NTSR1: variants seen among roughly 807,000 people sequenced by gnomAD.
The protein encoded by NTSR1 is neurotensin receptor type 1.
A neutral mutation model predicts 31.2 loss-of-function variants in NTSR1; 29 were observed. That is an observed-to-expected ratio of 0.93 (90% CI 0.69 to 1.27). The LOEUF (loss-of-function observed/expected upper bound fraction) is 1.27, where lower values mean the gene tolerates loss of function less well. Among genes scored for constraint, NTSR1 ranks in the 50% most tolerant of loss-of-function variants. NTSR1 has a pLI of 0.00. For missense variants in NTSR1, 697 were observed against 595.4 expected (o/e 1.17, Z -1.78); for synonymous variants, 282 against 269.9 (o/e 1.04, Z -0.44).
At chr20:62,752,250 G>A (rs1340417585) in intron 1 of NTSR1, among the ~76,000 whole-genome samples, 1 of 152,170 alleles carries the variant, frequency 6.6e-6, no homozygotes, top group Non-Finnish European at 1.5e-5. Context: ...TCCCCGCGCT[G>A]CCGATGGACG....
intron 1 of NTSR1, among the ~76,000 whole-genome samples, chr20:62,727,170 CA>C (rs1443728131): frequency 6.6e-6 from 1 of 152,042 alleles, no homozygotes; most frequent in Admixed American, 6.5e-5. Context: ...ACACCAGCCC[CA>C]CACAGGAGCC....
intron 1 of NTSR1, among the ~76,000 whole-genome samples, chr20:62,736,664 C>G (rs73918660): frequency 0.024 from 3,722 of 152,308 alleles, 149 homozygotes; most frequent in African/African-American, 0.084. Context: ...GCATAGGACC[C>G]GCAAGCTGAG....
rs568358953 is a variant in NTSR1 at position 62,711,831 on chromosome 20, A to G, written c.714+1910A>G. 6.6e-6 allele frequency among the ~76,000 whole-genome samples: 1 copy of G among 152,278 alleles called. No homozygotes were observed. Among genetic ancestry groups the G allele is most frequent in the African/African-American group, 2.4e-5 (1 of 41,566 alleles). The stretch of plus-strand genomic sequence containing the variant: ...CACCACCTGCCCAGCCTTGTTGCTC[A>G]GAGGCTGCGAGGCAGATTTGGCCAA... On this transcript the variant is annotated intron_variant, in intron 1 of 3. Coordinates refer to ENST00000370501, the MANE Select transcript of NTSR1 (RefSeq NM_002531.3). The surrounding 1 kb of genome is among the most constrained non-coding windows in gnomAD (Gnocchi z 6.4).
chr20:62,729,997 C>T (rs1355073857), intron 1 of NTSR1, among the ~76,000 whole-genome samples: 1 of 152,100 alleles, frequency 6.6e-6, no homozygotes, highest in African/African-American at 2.4e-5. Context: ...GACAGCGGCT[C>T]CATGGTGTCT....
chr20:62,711,945 C>T lies in NTSR1; in HGVS notation c.714+2024C>T, dbSNP rs573384752. On this transcript the variant is annotated intron_variant, in intron 1 of 3. Coordinates refer to ENST00000370501, the MANE Select transcript of NTSR1 (RefSeq NM_002531.3). This position sits in a 1 kb window ranked among gnomAD's most constrained non-coding sequence, Gnocchi z 6.4. ...GGACAGCGGCCCCACGCCCTGCAGA[C>T]GCCATGCTGGCCGAGCGTTGCTGAA... Among the ~76,000 whole-genome samples the T allele has an allele frequency of 7.2e-5, 11 of 152,342 alleles. No individual in the cohort carries two copies. The highest frequency in any genetic ancestry group is 2.6e-4 in the Admixed American group (4 of 15,312).
At chr20:62,738,119 G>A (rs113421956) in intron 1 of NTSR1, among the ~76,000 whole-genome samples, 1,951 of 76,808 alleles carry the variant, frequency 0.025, 17 homozygotes, top group Non-Finnish European at 0.03. Context: ...CAGGTGCACC[G>A]TCAGGGCTTT....
chr20:62,746,096 A>G (rs3787525), intron 1 of NTSR1, among the ~76,000 whole-genome samples: 110,497 of 152,104 alleles, frequency 0.73, 40,848 homozygotes, highest in Middle Eastern at 0.86. Flanking sequence ...ACACTAGCAG[A>G]GGTCAGAGAA....
rs1433549817 is a variant in NTSR1 at position 62,744,275 on chromosome 20, C to T, written c.715-10410C>T. Reference sequence around the variant, plus strand: ...CTCTTTTAGAAATGAGGCTGAGGGGCTGGACGCAGTGGCTCGTGTTTGTAA... The same window carrying T: ...CTCTTTTAGAAATGAGGCTGAGGGGTTGGACGCAGTGGCTCGTGTTTGTAA... On this transcript the variant is annotated intron_variant, in intron 1 of 3. Coordinates refer to ENST00000370501, the MANE Select transcript of NTSR1 (RefSeq NM_002531.3). This position sits in a 1 kb window ranked among gnomAD's most constrained non-coding sequence, Gnocchi z 4.1. Among the ~76,000 whole-genome samples the T allele has an allele frequency of 1.3e-5, 2 of 152,186 alleles. No individual in the cohort carries two copies. The highest frequency in any genetic ancestry group is 2.9e-5 in the Non-Finnish European group (2 of 68,040).
chr20:62,760,522 C>T lies in NTSR1; in HGVS notation c.*255C>T, dbSNP rs555744096. 1,184 of 447,390 alleles carry T rather than the reference C, an allele frequency of 2.6e-3. 1 individual carries two copies. Among genetic ancestry groups the T allele is most frequent in the Non-Finnish European group, 3.8e-3 (948 of 251,008 alleles). 27.7% of individuals were successfully genotyped at this position (447,390 alleles called of 1,614,324 possible). A position where few individuals can be genotyped will look rare whatever the true frequency, so the allele number is the denominator to read the frequency against. ...AGCCAGAACAAGAGAGCGCTCCTCT[C>T]CCAGATAGGAAAAGGGCCTCTAACA... On this transcript the variant is annotated 3_prime_UTR_variant, in exon 4 of 4. Transcript: ENST00000370501.
chr20:62,760,225 CCA>C lies in NTSR1; in HGVS notation c.1219_1220del (p.Thr407ProfsTer70). The C allele has an allele frequency of 6.2e-7, 1 of 1,613,608 alleles. No homozygotes were observed. Among genetic ancestry groups the C allele is most frequent in the Non-Finnish European group, 8.5e-7 (1 of 1,179,964 alleles). On this transcript the variant is annotated frameshift_variant, in exon 4 of 4. Coordinates refer to ENST00000370501, the MANE Select transcript of NTSR1 (RefSeq NM_002531.3). LOFTEE classifies it high-confidence loss of function. ...SRKADSVSSN[H>X]TLSSNATRET... The stretch of plus-strand genomic sequence containing the variant: ...GGAAGGCCGACAGCGTGTCCAGCAA[CCA>C]CACCCTCTCCAGCAATGCCACCCGC...
At position 62,743,794 on chromosome 20, in the gene NTSR1, C is replaced by T. The variant is rs1241896114; in HGVS notation, c.715-10891C>T. Reference sequence around the variant, plus strand: ...AGGCAGAATACAAAACAAGCAATTGCTCTCGAAGAGCGAGGTGAGAACGCC... The same window carrying T: ...AGGCAGAATACAAAACAAGCAATTGTTCTCGAAGAGCGAGGTGAGAACGCC... On this transcript the variant is annotated intron_variant, in intron 1 of 3. Transcript: ENST00000370501. This position sits in a 1 kb window ranked among gnomAD's most constrained non-coding sequence, Gnocchi z 7.5. Among the ~76,000 whole-genome samples, 1 of 152,060 alleles carries T rather than the reference C, an allele frequency of 6.6e-6. No individual in the cohort carries two copies. The highest frequency in any genetic ancestry group is 1.5e-5 in the Non-Finnish European group (1 of 68,036).
At chr20:62,755,011 C>G in intron 2 of NTSR1, 125 bp downstream of exon 2, 1 of 914,038 alleles carries the variant, frequency 1.1e-6, no homozygotes, top group Non-Finnish European at 1.6e-6. Context: ...CAGGCCAAGA[C>G]CCAAGGGTGC....
At chr20:62,759,350 G>A (rs902104934) in intron 3 of NTSR1, among the ~76,000 whole-genome samples, 1 of 152,192 alleles carries the variant, frequency 6.6e-6, no homozygotes. Context: ...GGGGGTTACT[G>A]CCCTGGCTGT....
At position 62,711,096 on chromosome 20, in the gene NTSR1, C is replaced by T. The variant is rs553125336; in HGVS notation, c.714+1175C>T. ...CGGGCAGGGGGTCACCTGTCTGTCA[C>T]TCCCTGGGCCCTAACTGACCCTCCA... On this transcript the variant is annotated intron_variant, in intron 1 of 3. Transcript: ENST00000370501. The surrounding 1 kb of genome is among the most constrained non-coding windows in gnomAD (Gnocchi z 6.4). 6.6e-6 allele frequency among the ~76,000 whole-genome samples: 1 copy of T among 152,282 alleles called. No individual in the cohort carries two copies. The highest frequency in any genetic ancestry group is 6.5e-5 in the Admixed American group (1 of 15,308).
In NTSR1 at chr20:62,709,509, TGCATTACCACCTGG is replaced by T; in HGVS notation, c.306_319del (p.His102GlnfsTer226). 6.2e-7 allele frequency: 1 copy of T among 1,612,592 alleles called. No individual in the cohort carries two copies. The highest frequency in any genetic ancestry group is 8.5e-7 in the Non-Finnish European group (1 of 1,179,872). ...TCGCTGCAGAGCCTGCAGAGCACGG[TGCATTACCACCTGG>T]GCAGCCTGGCGCTGTCCGACCTGCT... is the stretch of plus-strand genomic sequence containing the variant. On this transcript the variant is annotated frameshift_variant, in exon 1 of 4. Coordinates refer to ENST00000370501, the MANE Select transcript of NTSR1 (RefSeq NM_002531.3). LOFTEE classifies it high-confidence loss of function.
At chr20:62,728,830 C>T (rs1478569254) in intron 1 of NTSR1, among the ~76,000 whole-genome samples, 1 of 152,174 alleles carries the variant, frequency 6.6e-6, no homozygotes, top group Non-Finnish European at 1.5e-5. Flanking sequence ...CTGTCACCTG[C>T]ACCCAGAACC....
chr20:62,724,711 C>T (rs949072522), intron 1 of NTSR1, among the ~76,000 whole-genome samples: 1 of 152,248 alleles, frequency 6.6e-6, no homozygotes, highest in Non-Finnish European at 1.5e-5. Context: ...GCTCAAAACA[C>T]AGAAATGTGT....
At chr20:62,716,307 G>T (rs1988716665) in intron 1 of NTSR1, among the ~76,000 whole-genome samples, 1 of 152,114 alleles carries the variant, frequency 6.6e-6, no homozygotes, top group Non-Finnish European at 1.5e-5. Context: ...GCAGGTTCTT[G>T]AAGGCAGGCT....
At chr20:62,712,858 C>T (rs188103309) in intron 1 of NTSR1, among the ~76,000 whole-genome samples, 3 of 152,184 alleles carry the variant, frequency 2.0e-5, no homozygotes. Context: ...CAGTGGCACA[C>T]GATCTGTGTG....
Sources: gnomAD v4.1 joint callset for allele counts (sites outside exome capture counted in the v4.1 genomes callset) on GRCh38, gnomAD v4.1.1 for gene constraint, Gnocchi (gnomAD v3.1) non-coding constraint, MANE v1.5 for transcripts, NCBI Gene and HGNC (gene_info 2026-07-23, HGNC 2026-07-21) for gene names.